VPS53: variants seen among roughly 807,000 people sequenced by gnomAD.
VPS53 encodes vacuolar protein sorting-associated protein 53 homolog.
Under a neutral mutation model 107.0 loss-of-function variants are expected in VPS53, and 70 were observed. The observed-to-expected ratio is 0.65, with a 90% CI of 0.54 to 0.80. The LOEUF is 0.80. Ranked by LOEUF, VPS53 falls within the 30% of genes least tolerant of loss-of-function variation. The pLI, the probability that VPS53 is intolerant of heterozygous loss-of-function variation, is 0.00. For missense variants in VPS53, 917 were observed against 1,049.4 expected, an observed-to-expected ratio of 0.87 and a Z score of 1.74; for synonymous variants, 409 against 393.3, an observed-to-expected ratio of 1.04 and a Z score of -0.47.
In VPS53 at chr17:672,153, A is replaced by ACACACACACACACACAC. The variant is rs1193028603; in HGVS notation, c.286-10259_286-10258insGTGTGTGTGTGTGTGTG. Among the ~76,000 whole-genome samples the ACACACACACACACACAC allele has an allele frequency of 1.0e-4, 6 of 58,422 alleles. No homozygotes were observed. In the East Asian group the frequency reaches 1.6e-3, roughly 15 times the overall value. The allele number at this position is 58,422 out of a possible 152,430, so 38.3% of individuals were successfully genotyped here. ...ACACACACACACACACACACACACA[A>ACACACACACACACACAC]TCTCTCTCTCACACAATCTCAATCT... is the stretch of plus-strand genomic sequence containing the variant. On this transcript the variant is annotated intron_variant, in intron 4 of 21. Transcript: ENST00000437048.
At position 560,430 on chromosome 17, in the gene VPS53, T is replaced by C; in HGVS notation, c.1700A>G (p.Gln567Arg). 1 of 1,610,538 alleles carries C rather than the reference T, an allele frequency of 6.2e-7. No individual in the cohort carries two copies. Among genetic ancestry groups the C allele is most frequent in the Non-Finnish European group, 8.5e-7 (1 of 1,178,884 alleles). The change falls in exon 15 of 22, where the codon CAG becomes CGG. Residue 567 changes from glutamine to arginine, a missense_variant. Gln to Arg is a conservative substitution (Grantham distance 43). Coordinates refer to ENST00000437048, the MANE Select transcript of VPS53 (RefSeq NM_001128159.3). ...TGGGCAGCCAGGATGGCTCACCTGC[T>C]GGGTGGTGGCCAGACAGTACTCTGC... ...STAEYCLATT[Q>R]QLEEKLKEKV...
At chr17:641,195 A>C (rs1297486085) in intron 7 of VPS53, among the ~76,000 whole-genome samples, 2 of 152,188 alleles carry the variant, frequency 1.3e-5, no homozygotes, top group Non-Finnish European at 2.9e-5. Context: ...TCAATGACTC[A>C]GATGAAAGCA....
intron 11 of VPS53, among the ~76,000 whole-genome samples, 195 bp downstream of exon 11, chr17:623,338 T>A (rs1969551169): frequency 6.6e-6 from 1 of 152,186 alleles, no homozygotes; most frequent in African/African-American, 2.4e-5. Context: ...AGAAACATGA[T>A]GTACTGCGTA....
intron 12 of VPS53, among the ~76,000 whole-genome samples, chr17:593,126 A>G (rs1967761965): frequency 6.6e-6 from 1 of 152,128 alleles, no homozygotes. Context: ...CTGAAACTGG[A>G]TCCCTTCCTT....
At chr17:642,860 T>C (rs1970489237) in intron 7 of VPS53, among the ~76,000 whole-genome samples, 1 of 147,342 alleles carries the variant, frequency 6.8e-6, no homozygotes, top group Non-Finnish European at 1.5e-5. Context: ...ACAACACTCA[T>C]ACTTGGAAAT....
intron 2 of VPS53, among the ~76,000 whole-genome samples, chr17:708,225 C>T (rs935590589): frequency 3.3e-5 from 5 of 152,142 alleles, no homozygotes; most frequent in African/African-American, 1.2e-4. Flanking sequence ...GGACCCACTG[C>T]TATTTATTGT....
At chr17:647,451 T>C (rs1458731097) in intron 7 of VPS53, among the ~76,000 whole-genome samples, 11 of 152,086 alleles carry the variant, frequency 7.2e-5, no homozygotes, top group Admixed American at 6.5e-4. Flanking sequence ...ATCATGCAAA[T>C]GAAGAAAAGA....
chr17:551,676 T>C (rs1274417855), intron 17 of VPS53, 196 bp downstream of exon 17: 3 of 407,710 alleles, frequency 7.4e-6, no homozygotes, highest in Non-Finnish European at 1.3e-5. Flanking sequence ...CTCTGTCTCA[T>C]TCTAAAAGGA....
In VPS53 at chr17:610,151, AC is replaced by A. The variant is rs1968793478; in HGVS notation, c.1117-8256del. ...GTCACACACACACACACACACACAC[AC>A]ACACACACACACACACACACACACA... On this transcript the variant is annotated intron_variant, in intron 11 of 21. Transcript: ENST00000437048. 4.0e-5 allele frequency among the ~76,000 whole-genome samples: 6 copies of A among 150,682 alleles called. No homozygotes were observed. The South Asian group carries it at 1.3e-3, about 32-fold the overall frequency.
intron 13 of VPS53, among the ~76,000 whole-genome samples, chr17:573,337 T>C (rs993257018): frequency 5.9e-5 from 9 of 152,232 alleles, no homozygotes; most frequent in African/African-American, 2.2e-4. Flanking sequence ...TTAAAGGATG[T>C]AAGGACGGCT....
intron 11 of VPS53, among the ~76,000 whole-genome samples, chr17:609,789 AAG>A (rs1968762468): frequency 6.6e-6 from 1 of 151,912 alleles, no homozygotes; most frequent in African/African-American, 2.4e-5. Flanking sequence ...AAGAGGAGAG[AAG>A]AGAGAAGAGA....
intron 11 of VPS53, among the ~76,000 whole-genome samples, chr17:606,593 A>C (rs11654400): frequency 0.99 from 150,776 of 152,186 alleles, 74,710 homozygotes; most frequent in East Asian, 1. Context: ...CTAGATTATA[A>C]TGGAGCCATA....
At chr17:552,011 C>T (rs558327899) in intron 16 of VPS53, 61 bp from the exon 17 acceptor site, 1 of 1,436,256 alleles carries the variant, frequency 7.0e-7, no homozygotes, top group Non-Finnish European at 9.4e-7. Context: ...GAATGACTGA[C>T]ACTCAGGCCC....
chr17:533,007 T>G, intron 18 of VPS53, 96 bp from the exon 19 acceptor site: 2 of 1,502,142 alleles, frequency 1.3e-6, no homozygotes, highest in Non-Finnish European at 1.8e-6. Context: ...TGAAAAAACC[T>G]TTTTTAATGA....
In VPS53 at chr17:646,180, G is replaced by A. The variant is rs578059489; in HGVS notation, c.608+7111C>T. 1.0e-3 allele frequency among the ~76,000 whole-genome samples: 127 copies of A among 123,946 alleles called. 14 individuals are homozygous for A. Among genetic ancestry groups the A allele is most frequent in the Non-Finnish European group, 1.9e-3 (109 of 57,052 alleles). 81.3% of individuals were successfully genotyped at this position (123,946 alleles called of 152,430 possible). On this transcript the variant is annotated intron_variant, in intron 7 of 21. Transcript: ENST00000437048. ...CTTATCTTTTCTAATTCATACCACGGACTGGAGACTGGCTCCCACACACAT... is the reference window on the plus strand; with the variant it reads ...CTTATCTTTTCTAATTCATACCACGAACTGGAGACTGGCTCCCACACACAT...
At chr17:563,288 T>A (rs1034229028) in intron 13 of VPS53, among the ~76,000 whole-genome samples, 3 of 60,240 alleles carry the variant, frequency 5.0e-5, no homozygotes, top group Admixed American at 1.7e-4. Context: ...CTTCATTTCC[T>A]TTTTTTTTTT....
At chr17:621,792 T>A (rs1969477500) in intron 11 of VPS53, among the ~76,000 whole-genome samples, 1 of 152,364 alleles carries the variant, frequency 6.6e-6, no homozygotes, top group African/African-American at 2.4e-5. Context: ...TGTTTTTTAA[T>A]CCCTTGATTA....
At chr17:574,699 A>T (rs1461787395) in intron 13 of VPS53, among the ~76,000 whole-genome samples, 1 of 152,208 alleles carries the variant, frequency 6.6e-6, no homozygotes, top group African/African-American at 2.4e-5. Flanking sequence ...CAGGAGGTTG[A>T]GGCTACAGTG....
chr17:540,195 C>CT (rs1910515526), intron 17 of VPS53, among the ~76,000 whole-genome samples: 4 of 150,654 alleles, frequency 2.7e-5, no homozygotes, highest in South Asian at 4.2e-4. Flanking sequence ...CTTTATTTTT[C>CT]ATTTTTTTTT....
Sources: allele counts gnomAD v4.1 joint callset (sites outside exome capture counted in the v4.1 genomes callset), GRCh38; gene constraint gnomAD v4.1.1; transcripts MANE v1.5; gene names NCBI Gene and HGNC (gene_info 2026-07-23, HGNC 2026-07-21).